The following ARRB1 variants were observed in gnomAD, a reference collection of about 807,000 sequenced individuals.
The protein encoded by ARRB1 is beta-arrestin-1.
ARRB1 carries 21 observed loss-of-function variants against 56.8 expected under a neutral mutation model. The ratio of observed to expected loss-of-function variants is 0.37; its 90% confidence interval spans 0.26 to 0.53. The LOEUF is 0.53. Ranked by LOEUF, ARRB1 falls within the 20% of genes least tolerant of loss-of-function variation. ARRB1 has a pLI of 0.88. For synonymous variants in ARRB1, 210 were observed against 218.6 expected (o/e 0.96, Z 0.35); for missense variants, 424 against 553.7 (o/e 0.77, Z 2.35).
intron 1 of ARRB1, among the ~76,000 whole-genome samples, chr11:75,315,914 AC>A (rs1947256420): frequency 6.6e-6 from 1 of 152,110 alleles, no homozygotes; most frequent in Non-Finnish European, 1.5e-5. Context: ...CACTCACGCC[AC>A]CCCTACTCTA....
intron 13 of ARRB1, 36 bp downstream of exon 13, chr11:75,271,665 G>A (rs1946076170): frequency 1.3e-6 from 2 of 1,553,982 alleles, no homozygotes; most frequent in Admixed American, 2.0e-5. Flanking sequence ...GGCCCTCCAG[G>A]AAGGTGGGTG....
intron 1 of ARRB1, among the ~76,000 whole-genome samples, chr11:75,291,491 C>T (rs34588870): frequency 0.019 from 2,858 of 152,244 alleles, 77 homozygotes; most frequent in African/African-American, 0.063. Context: ...CATGGTCACC[C>T]AGCTGGATAA....
At chr11:75,339,186 GCTC>G (rs1215255115) in intron 1 of ARRB1, among the ~76,000 whole-genome samples, 1 of 152,198 alleles carries the variant, frequency 6.6e-6, no homozygotes, top group Non-Finnish European at 1.5e-5. Context: ...ATGCCCATGG[GCTC>G]CTCTGGGAAG....
At chr11:75,316,313 T>G in intron 1 of ARRB1, among the ~76,000 whole-genome samples, 2 of 146,706 alleles carry the variant, frequency 1.4e-5, no homozygotes, top group South Asian at 2.2e-4. Flanking sequence ...GGTGACAGAG[T>G]GAGACTCTGT....
chr11:75,285,854 A>T (rs995878514), intron 3 of ARRB1, among the ~76,000 whole-genome samples: 1 of 152,174 alleles, frequency 6.6e-6, no homozygotes, highest in African/African-American at 2.4e-5. Context: ...GCCAATGGAC[A>T]TGGACAACCC....
In ARRB1 at chr11:75,265,926, A is replaced by C. The variant is rs1591881117; in HGVS notation, c.*237T>G. On this transcript the variant is annotated 3_prime_UTR_variant, in exon 16 of 16. Coordinates refer to ENST00000420843, the MANE Select transcript of ARRB1 (RefSeq NM_004041.5). The stretch of plus-strand genomic sequence containing the variant: ...TTTTCTGGGAGACAGCATGAAAAGG[A>C]GGGGAGTGGAGATGGCAGAGATGGG... 1 of 530,958 alleles carries C rather than the reference A, an allele frequency of 1.9e-6. No individual in the cohort carries two copies. The highest frequency in any genetic ancestry group is 3.2e-5 in the East Asian group (1 of 30,850). 32.9% of individuals were successfully genotyped at this position (530,958 alleles called of 1,614,324 possible). A position where few individuals can be genotyped will look rare whatever the true frequency, so the allele number is the denominator to read the frequency against.
At chr11:75,269,217 G>A in intron 13 of ARRB1, 1 of 703,088 alleles carries the variant, frequency 1.4e-6, no homozygotes, top group Non-Finnish European at 2.6e-6. Context: ...CCCACGGGCT[G>A]GGAAGAGGCC....
chr11:75,292,778 AG>A (rs1420656770), intron 1 of ARRB1, among the ~76,000 whole-genome samples: 1 of 152,180 alleles, frequency 6.6e-6, no homozygotes, highest in Non-Finnish European at 1.5e-5. Context: ...GAAGGGAGGG[AG>A]GGAAGACAGA....
At chr11:75,320,027 C>T (rs1947321898) in intron 1 of ARRB1, among the ~76,000 whole-genome samples, 1 of 152,172 alleles carries the variant, frequency 6.6e-6, no homozygotes, top group Admixed American at 6.5e-5. Flanking sequence ...CCATCGGGGA[C>T]AGGGATGAGA....
At chr11:75,311,135 G>A (rs538121997) in intron 1 of ARRB1, among the ~76,000 whole-genome samples, 3 of 152,182 alleles carry the variant, frequency 2.0e-5, no homozygotes, top group South Asian at 2.1e-4. Flanking sequence ...TCAGGAATTC[G>A]AGACCAGCCT....
intron 15 of ARRB1, 54 bp downstream of exon 15, chr11:75,267,598 A>ACCCCCCCCACC: frequency 2.1e-6 from 3 of 1,419,688 alleles, no homozygotes; most frequent in Non-Finnish European, 3.0e-6. Flanking sequence ...GACCCCCTCC[A>ACCCCCCCCACC]CCCCGCCCAC....
intron 1 of ARRB1, among the ~76,000 whole-genome samples, chr11:75,307,772 C>A (rs1401003428): frequency 1.3e-5 from 2 of 152,220 alleles, no homozygotes; most frequent in Non-Finnish European, 2.9e-5. Context: ...TGAACTGAAG[C>A]CACCATGCCA....
chr11:75,281,287 C>A lies in ARRB1; in HGVS notation c.415-145G>T, dbSNP rs144216992. The A allele has an allele frequency of 1.1e-4, 86 of 778,578 alleles. 1 individual carries two copies. In the East Asian group the frequency reaches 2.3e-3, roughly 21 times the overall value. 48.2% of individuals were successfully genotyped at this position (778,578 alleles called of 1,614,324 possible). On this transcript the variant is annotated intron_variant, in intron 6 of 15. Coordinates refer to ENST00000420843, the MANE Select transcript of ARRB1 (RefSeq NM_004041.5). ...CCAGCCTTCCTTGGTCTGGAAGAAG[C>A]GGGGGAACGCCCTTGTGCTCAGCCC...
chr11:75,313,405 TG>T (rs200780395), intron 1 of ARRB1, among the ~76,000 whole-genome samples: 2,292 of 152,342 alleles, frequency 0.015, 30 homozygotes, highest in Non-Finnish European at 0.024. Context: ...GGAATCTCTA[TG>T]GGCTCTTAAG....
intron 1 of ARRB1, among the ~76,000 whole-genome samples, chr11:75,330,518 A>G (rs535205296): frequency 2.0e-5 from 3 of 152,188 alleles, no homozygotes; most frequent in Non-Finnish European, 2.9e-5. Flanking sequence ...TTTGCTTGTA[A>G]TTAATTGCAG....
intron 1 of ARRB1, among the ~76,000 whole-genome samples, chr11:75,320,875 G>C (rs988208600): frequency 2.6e-5 from 4 of 152,148 alleles, no homozygotes; most frequent in African/African-American, 9.7e-5. Flanking sequence ...ATTTCCATTC[G>C]CAAAGCCTTC....
At chr11:75,340,801 AG>A (rs971672817) in intron 1 of ARRB1, among the ~76,000 whole-genome samples, 24 of 152,252 alleles carry the variant, frequency 1.6e-4, no homozygotes, top group African/African-American at 4.6e-4. Context: ...CAGGATGCCA[AG>A]GGACTTCCCT....
In ARRB1 at chr11:75,264,028, G is replaced by A. The variant is rs1034347469; in HGVS notation, c.*2135C>T. Among the ~76,000 whole-genome samples the A allele has an allele frequency of 3.3e-5, 5 of 152,216 alleles. No individual in the cohort carries two copies. The highest frequency in any genetic ancestry group is 6.5e-5 in the Admixed American group (1 of 15,282). Reference sequence around the variant, plus strand: ...TGCTCCAGCATTTCATCAGCTCTGCGCCTGCCCAGATGAGGTGCAGCCTGC... The same window carrying A: ...TGCTCCAGCATTTCATCAGCTCTGCACCTGCCCAGATGAGGTGCAGCCTGC... On this transcript the variant is annotated 3_prime_UTR_variant, in exon 16 of 16. Coordinates refer to ENST00000420843, the MANE Select transcript of ARRB1 (RefSeq NM_004041.5).
intron 10 of ARRB1, among the ~76,000 whole-genome samples, chr11:75,275,112 A>AT: frequency 1.4e-5 from 2 of 147,172 alleles, no homozygotes; most frequent in African/African-American, 5.0e-5. Flanking sequence ...CTCTAAACAA[A>AT]TTTAATTTAA....
Sources: allele counts gnomAD v4.1 joint callset (sites outside exome capture counted in the v4.1 genomes callset), GRCh38; gene constraint gnomAD v4.1.1; transcripts MANE v1.5; gene names NCBI Gene and HGNC (gene_info 2026-07-23, HGNC 2026-07-21).